The following ATP2B2 variants were observed in gnomAD, a reference collection of about 807,000 sequenced individuals.
ATP2B2 encodes ATPase plasma membrane Ca2+ transporting 2.
In ATP2B2, 15 loss-of-function variants were observed where a neutral mutation model predicts 120.0. The observed-to-expected ratio is 0.12, with a 90% CI of 0.08 to 0.19. The LOEUF is 0.19. Among genes scored for constraint, ATP2B2 ranks in the 10% least tolerant of loss-of-function variants. The pLI is 1.00. For missense variants in ATP2B2, 1,045 were observed against 1,719.8 expected (o/e 0.61, Z 6.94); for synonymous variants, 694 against 700.3 (o/e 0.99, Z 0.14).
At chr3:10,372,678 A>T (rs1261901182) in intron 11 of ATP2B2, among the ~76,000 whole-genome samples, 1 of 152,236 alleles carries the variant, frequency 6.6e-6, no homozygotes, top group African/African-American at 2.4e-5. Context: ...AAAAGAAAAC[A>T]TATCAACTAT....
chr3:10,346,117 T>C lies in ATP2B2; in HGVS notation c.2425A>G (p.Thr809Ala). Residue 809 changes from threonine to alanine, a missense_variant, in exon 17 of 23, where the codon ACT becomes GCT. By Grantham distance (58) the Thr-to-Ala change is moderately conservative (BLOSUM62 0). Transcript: ENST00000360273. This position sits in a 1 kb window ranked among gnomAD's most constrained non-coding sequence, Gnocchi z 4.1. ...LVKGIIDSTH[T>A]EQRQVVAVTG... ...ACGGCCACCACCTGCCGCTGCTCAG[T>C]GTGTGTGCTGTCGATGATGCCTGTT... 2 of 1,611,444 alleles carry C rather than the reference T, an allele frequency of 1.2e-6. No individual in the cohort carries two copies. Among genetic ancestry groups the C allele is most frequent in the Non-Finnish European group, 1.7e-6 (2 of 1,179,938 alleles).
chr3:10,618,195 C>T (rs1460020117), intron 2 of ATP2B2, among the ~76,000 whole-genome samples: 1 of 152,182 alleles, frequency 6.6e-6, no homozygotes, highest in Non-Finnish European at 1.5e-5. Context: ...GGGTTCCAGT[C>T]CTGCATCTTA....
chr3:10,526,853 T>G (rs113555899), intron 3 of ATP2B2, among the ~76,000 whole-genome samples: 29 of 152,170 alleles, frequency 1.9e-4, no homozygotes, highest in African/African-American at 7.0e-4. Flanking sequence ...ATAGTAACCA[T>G]GATGATAGTG....
chr3:10,600,356 G>A (rs1293284060), intron 2 of ATP2B2, among the ~76,000 whole-genome samples: 1 of 152,140 alleles, frequency 6.6e-6, no homozygotes, highest in Non-Finnish European at 1.5e-5. Flanking sequence ...CCCAGGCTCT[G>A]TGCCCGCCCC....
intron 1 of ATP2B2, among the ~76,000 whole-genome samples, chr3:10,701,913 C>T (rs2071825402): frequency 6.6e-6 from 1 of 152,132 alleles, no homozygotes; most frequent in African/African-American, 2.4e-5. Context: ...CAGTCAGTCT[C>T]ACCTTCTGCG....
chr3:10,581,629 A>G (rs1459789207), intron 2 of ATP2B2, among the ~76,000 whole-genome samples: 3 of 152,238 alleles, frequency 2.0e-5, no homozygotes, highest in Non-Finnish European at 4.4e-5. Context: ...ATCGCAAGGA[A>G]TTCTGAATTC....
chr3:10,413,433 G>A (rs1277088526), intron 2 of ATP2B2, among the ~76,000 whole-genome samples: 1 of 152,228 alleles, frequency 6.6e-6, no homozygotes, highest in African/African-American at 2.4e-5. Flanking sequence ...CCCATGTCCT[G>A]CATGCAGTGA....
At chr3:10,668,053 A>C (rs1488603860) in intron 1 of ATP2B2, among the ~76,000 whole-genome samples, 1 of 152,218 alleles carries the variant, frequency 6.6e-6, no homozygotes, top group African/African-American at 2.4e-5. Flanking sequence ...CTGGGGCCCC[A>C]TCCTGGCTTC....
chr3:10,668,305 C>G (rs1169983140), intron 1 of ATP2B2, among the ~76,000 whole-genome samples: 1 of 152,250 alleles, frequency 6.6e-6, no homozygotes, highest in African/African-American at 2.4e-5. Context: ...CATGGTCACA[C>G]AGCTTGAGAA....
chr3:10,468,171 T>A (rs114298793), intron 1 of ATP2B2, among the ~76,000 whole-genome samples: 2,165 of 152,318 alleles, frequency 0.014, 51 homozygotes, highest in African/African-American at 0.049. Context: ...CTCTGCCCAG[T>A]GTCCATGTGG....
chr3:10,613,043 G>T (rs2069284421), intron 2 of ATP2B2, among the ~76,000 whole-genome samples: 1 of 152,300 alleles, frequency 6.6e-6, no homozygotes, highest in Non-Finnish European at 1.5e-5. Flanking sequence ...CCTCCACCGA[G>T]GGGAGGGGGC....
chr3:10,699,377 G>A (rs1023858887), intron 1 of ATP2B2, among the ~76,000 whole-genome samples: 24 of 152,172 alleles, frequency 1.6e-4, no homozygotes, highest in Admixed American at 9.8e-4. Context: ...TAAAATATAA[G>A]GTAGAAGTAT....
intron 1 of ATP2B2, among the ~76,000 whole-genome samples, chr3:10,491,227 T>G (rs971132263): frequency 7.3e-6 from 1 of 136,562 alleles, no homozygotes; most frequent in African/African-American, 2.7e-5. Context: ...TCATTCCATT[T>G]TTTTTTTTTT....
intron 2 of ATP2B2, among the ~76,000 whole-genome samples, chr3:10,561,777 G>T (rs1161307293): frequency 6.6e-6 from 1 of 152,098 alleles, no homozygotes; most frequent in Non-Finnish European, 1.5e-5. Context: ...CGTGCCTTTT[G>T]CCTTCCGCCA....
intron 1 of ATP2B2, among the ~76,000 whole-genome samples, chr3:10,690,179 G>C (rs76387004): frequency 0.011 from 1,674 of 152,344 alleles, 37 homozygotes; most frequent in African/African-American, 0.038. Flanking sequence ...CTACAACTTT[G>C]TTCTCCGTCC....
chr3:10,693,644 G>A (rs1049569846), intron 1 of ATP2B2, among the ~76,000 whole-genome samples: 16 of 152,202 alleles, frequency 1.1e-4, no homozygotes, highest in African/African-American at 3.9e-4. Context: ...TCTAGCAATA[G>A]AGATATGAGC....
rs562450517 is a variant in ATP2B2 at position 10,475,547 on chromosome 3, C to T, written c.-319-25685G>A. 2.0e-5 allele frequency among the ~76,000 whole-genome samples: 3 copies of T among 152,328 alleles called. No homozygotes were observed. The South Asian group carries it at 6.2e-4, about 32-fold the overall frequency. ...CTCTGATTCCAGCTCTACTACTTGC[C>T]ACATGGCCTTAGACAGGTCACTGCC... On this transcript the variant is annotated intron_variant, in intron 1 of 22. Transcript: ENST00000360273.
In ATP2B2 at chr3:10,575,081, G is replaced by A. The variant is rs75829863; in HGVS notation, c.-414-40948C>T. ...AATCCTTGGTGAAGTCCCCGCTGCC[G>A]ACTGCTCAGTGCCTGGGGTCACAAT... On this transcript the variant is annotated intron_variant, in intron 2 of 21. Transcript: ENST00000646379. Among the ~76,000 whole-genome samples, 506 of 152,260 alleles carry A rather than the reference G, an allele frequency of 3.3e-3. 7 individuals are homozygous for A. Among genetic ancestry groups the A allele is most frequent in the African/African-American group, 0.012 (488 of 41,530 alleles).
intron 1 of ATP2B2, chr3:10,626,593 ATGG>A (rs2069707213): frequency 6.6e-6 from 1 of 151,560 alleles, no homozygotes; most frequent in African/African-American, 2.4e-5. Flanking sequence ...GGATGGATGG[ATGG>A]ATGGATGGAT....
Sources: allele counts gnomAD v4.1 joint callset (sites outside exome capture counted in the v4.1 genomes callset), GRCh38; gene constraint gnomAD v4.1.1; non-coding constraint Gnocchi (gnomAD v3.1); transcripts MANE v1.5; gene names NCBI Gene and HGNC (gene_info 2026-07-23, HGNC 2026-07-21).